Variants in DNAH14 observed in about 807,000 individuals in gnomAD.
DNAH14 encodes dynein axonemal heavy chain 14, also known as axonemal beta dynein heavy chain 14.
In DNAH14, 478 loss-of-function variants were observed where a neutral mutation model predicts 520.9. The observed-to-expected ratio is 0.92, with a 90% confidence interval of 0.85 to 0.99. The LOEUF is 0.99. Ranked by LOEUF, DNAH14 falls within the 50% of genes least tolerant of loss-of-function variation. DNAH14 has a pLI of 0.00. For synonymous variants in DNAH14, 1,581 were observed against 1,757.2 expected, an observed-to-expected ratio of 0.90 and a Z score of 2.51; for missense variants, 4,831 against 5,234.5, an observed-to-expected ratio of 0.92 and a Z score of 2.38.
At chr1:225,191,532 T>A (rs983999748) in intron 37 of DNAH14, among the ~76,000 whole-genome samples, 3 of 152,044 alleles carry the variant, frequency 2.0e-5, no homozygotes, top group Admixed American at 2.0e-4. Flanking sequence ...AATGTGTGGA[T>A]CTCTTTGTGT....
intron 27 of DNAH14, among the ~76,000 whole-genome samples, chr1:225,128,115 G>T (rs574934823): frequency 6.6e-6 from 1 of 152,046 alleles, no homozygotes; most frequent in East Asian, 1.9e-4. Context: ...TGGGTAACCC[G>T]ACCGTTCTCT....
At chr1:224,930,501 G>A (rs1290049448) in intron 1 of DNAH14, among the ~76,000 whole-genome samples, 2 of 152,162 alleles carry the variant, frequency 1.3e-5, no homozygotes, top group African/African-American at 4.8e-5. Context: ...ATTGTAAACT[G>A]TGCTGCCAGT....
chr1:225,374,157 A>ATATATATAT (rs2095658051), intron 77 of DNAH14, among the ~76,000 whole-genome samples: 1 of 70,676 alleles, frequency 1.4e-5, no homozygotes, highest in Non-Finnish European at 3.1e-5. Flanking sequence ...ATATATATAT[A>ATATATATAT]TATATATATA....
chr1:225,370,829 C>A (rs1355727130), intron 77 of DNAH14, among the ~76,000 whole-genome samples: 2 of 151,904 alleles, frequency 1.3e-5, no homozygotes, highest in Admixed American at 6.6e-5. Flanking sequence ...TTTTAAAATT[C>A]TTTTCATATA....
At position 225,204,177 on chromosome 1, in the gene DNAH14, T is replaced by A. The variant is rs780322885; in HGVS notation, c.5887-6T>A. 45 of 1,396,838 alleles carry A rather than the reference T, an allele frequency of 3.2e-5. No individual in the cohort carries two copies. Among genetic ancestry groups the A allele is most frequent in the Non-Finnish European group, 4.3e-5 (45 of 1,055,998 alleles). 86.5% of individuals were successfully genotyped at this position (1,396,838 alleles called of 1,614,324 possible). A position where few individuals can be genotyped will look rare whatever the true frequency, so the allele number is the denominator to read the frequency against. On this transcript the variant is annotated splice_polypyrimidine_tract_variant and splice_region_variant and intron_variant, in intron 38 of 85. Transcript: ENST00000682510. ...AAATTTAAACATTATTGATTACATA[T>A]TTTAGGTTTTCAAACTTGATTCCTC...
chr1:225,008,517 C>A (rs987198980), intron 10 of DNAH14, among the ~76,000 whole-genome samples: 2 of 151,166 alleles, frequency 1.3e-5, no homozygotes, highest in African/African-American at 4.9e-5. Context: ...AACTAATTTA[C>A]ACCCCAACAA....
chr1:225,281,238 T>C (rs2093621132), intron 54 of DNAH14, among the ~76,000 whole-genome samples: 1 of 152,204 alleles, frequency 6.6e-6, no homozygotes, highest in Non-Finnish European at 1.5e-5. Flanking sequence ...TCCTTTTCTT[T>C]TACTAGCTTC....
At chr1:225,290,657 A>ATGTGTGTGTG (rs1558282513) in intron 55 of DNAH14, among the ~76,000 whole-genome samples, 4 of 58,620 alleles carry the variant, frequency 6.8e-5, no homozygotes, top group South Asian at 5.1e-4. Context: ...GTATATATAT[A>ATGTGTGTGTG]TATATATATA....
At chr1:225,175,105 A>G (rs1359751731) in intron 36 of DNAH14, among the ~76,000 whole-genome samples, 1 of 152,116 alleles carries the variant, frequency 6.6e-6, no homozygotes, top group South Asian at 2.1e-4. Context: ...TTTTGCATCT[A>G]TGTTCATCAA....
chr1:224,975,595 C>A (rs185992966), intron 8 of DNAH14, among the ~76,000 whole-genome samples: 4 of 146,838 alleles, frequency 2.7e-5, no homozygotes, highest in African/African-American at 1.0e-4. Flanking sequence ...TTTTTTATTG[C>A]GTCTATTTGA....
chr1:225,336,119 AT>A (rs1558442756), intron 66 of DNAH14, among the ~76,000 whole-genome samples: 1 of 149,732 alleles, frequency 6.7e-6, no homozygotes, highest in East Asian at 2.0e-4. Flanking sequence ...AAGACTACAC[AT>A]ATGTATGTGT....
intron 41 of DNAH14, among the ~76,000 whole-genome samples, chr1:225,227,004 C>T (rs961548465): frequency 1.1e-4 from 16 of 152,174 alleles, no homozygotes; most frequent in African/African-American, 3.6e-4. Flanking sequence ...TGTCTCACCT[C>T]CAGTCATAAG....
At chr1:225,299,858 G>A (rs2094104395) in intron 55 of DNAH14, among the ~76,000 whole-genome samples, 2 of 152,106 alleles carry the variant, frequency 1.3e-5, no homozygotes, top group African/African-American at 4.8e-5. Context: ...CGTTAGCCCT[G>A]TGTCACCTCT....
At chr1:225,346,744 A>G in intron 71 of DNAH14, 90 bp downstream of exon 71, 1 of 1,002,144 alleles carries the variant, frequency 1.0e-6, no homozygotes, top group South Asian at 2.0e-5. Context: ...TGCCTCTATA[A>G]TTGATTAAAG....
chr1:224,963,804 T>C (rs75699745), intron 4 of DNAH14, among the ~76,000 whole-genome samples: 1 of 152,222 alleles, frequency 6.6e-6, no homozygotes, highest in East Asian at 1.9e-4. Flanking sequence ...CTAGTTATAA[T>C]AGTGTCTTAT....
At chr1:225,057,563 A>G (rs962460284) in intron 17 of DNAH14, among the ~76,000 whole-genome samples, 4 of 152,072 alleles carry the variant, frequency 2.6e-5, no homozygotes, top group Non-Finnish European at 5.9e-5. Flanking sequence ...TTCCAACACT[A>G]TGTTGAATAA....
At chr1:225,147,979 G>C (rs1481590177) in intron 31 of DNAH14, among the ~76,000 whole-genome samples, 1 of 152,032 alleles carries the variant, frequency 6.6e-6, no homozygotes, top group African/African-American at 2.4e-5. Flanking sequence ...CTTTTTTATG[G>C]CTGCATAGTA....
intron 10 of DNAH14, among the ~76,000 whole-genome samples, chr1:225,011,310 A>C (rs910059618): frequency 2.6e-5 from 4 of 152,044 alleles, no homozygotes; most frequent in Non-Finnish European, 4.4e-5. Context: ...CTTTGTTCTC[A>C]TTGGTTTCAA....
intron 36 of DNAH14, among the ~76,000 whole-genome samples, chr1:225,183,486 G>A (rs1327855857): frequency 6.6e-6 from 1 of 152,096 alleles, no homozygotes; most frequent in Non-Finnish European, 1.5e-5. Context: ...TAGCAATCTA[G>A]CATTGCACCC....
Sources: gnomAD v4.1 joint callset for allele counts (sites outside exome capture counted in the v4.1 genomes callset) on GRCh38, gnomAD v4.1.1 for gene constraint, MANE v1.5 for transcripts, NCBI Gene and HGNC (gene_info 2026-07-23, HGNC 2026-07-21) for gene names.